CHRM3: variants seen among roughly 807,000 people sequenced by gnomAD.
The protein encoded by CHRM3 is cholinergic receptor muscarinic 3.
In CHRM3, 11 loss-of-function variants were observed where a neutral mutation model predicts 41.8. The observed-to-expected ratio is 0.26, with a 90% CI of 0.17 to 0.44. The LOEUF (loss-of-function observed/expected upper bound fraction) is 0.44, where lower values mean the gene tolerates loss of function less well. CHRM3 is among the 20% of genes least tolerant of loss of function. The pLI is 1.00. For missense variants in CHRM3, 571 were observed against 745.4 expected (o/e 0.77, Z 2.72); for synonymous variants, 297 against 301.4 (o/e 0.99, Z 0.15).
At chr1:239,635,618 A>G (rs181644220) in intron 4 of CHRM3, among the ~76,000 whole-genome samples, 1 of 152,350 alleles carries the variant, frequency 6.6e-6, no homozygotes, top group East Asian at 1.9e-4. Context: ...TTCTTAAGGC[A>G]TACGAAAATA....
intron 3 of CHRM3, among the ~76,000 whole-genome samples, chr1:239,569,801 G>T (rs186471817): frequency 1.3e-3 from 197 of 152,162 alleles, no homozygotes; most frequent in African/African-American, 4.5e-3. Context: ...GGGGGAGTCT[G>T]GTCATAAATG....
At chr1:239,441,756 C>CTAATTATA (rs1478544065) in intron 1 of CHRM3, among the ~76,000 whole-genome samples, 2 of 150,472 alleles carry the variant, frequency 1.3e-5, no homozygotes, top group Admixed American at 1.3e-4. Flanking sequence ...GTTGTAGCTA[C>CTAATTATA]TAATTATAAG....
chr1:239,732,240 A>G (rs1278143572), intron 5 of CHRM3, among the ~76,000 whole-genome samples: 1 of 151,386 alleles, frequency 6.6e-6, no homozygotes, highest in Non-Finnish European at 1.5e-5. Flanking sequence ...AGTATACCTA[A>G]TATCTCACTT....
intron 5 of CHRM3, among the ~76,000 whole-genome samples, chr1:239,714,530 G>A (rs914860059): frequency 7.2e-5 from 11 of 152,128 alleles, no homozygotes; most frequent in South Asian, 2.1e-4. Context: ...AAGGCCCTGC[G>A]GTAGAAGGGT....
At chr1:239,819,867 A>G (rs1671893094) in intron 5 of CHRM3, among the ~76,000 whole-genome samples, 1 of 152,150 alleles carries the variant, frequency 6.6e-6, no homozygotes, top group Admixed American at 6.5e-5. Flanking sequence ...TGTGATTGCC[A>G]TGGAATTCCG....
chr1:239,898,112 C>T (rs1013534589), intron 6 of CHRM3: 14 of 152,148 alleles, frequency 9.2e-5, no homozygotes, highest in Non-Finnish European at 1.6e-4. Context: ...ACATCTTTTC[C>T]CCCTTGCAGC....
chr1:239,542,102 A>T (rs761989637), intron 2 of CHRM3, among the ~76,000 whole-genome samples: 11 of 152,176 alleles, frequency 7.2e-5, no homozygotes, highest in Admixed American at 2.0e-4. Flanking sequence ...CCCGGAGATT[A>T]TAATTAATCA....
chr1:239,666,326 C>T (rs1429603971), intron 4 of CHRM3, among the ~76,000 whole-genome samples: 1 of 150,870 alleles, frequency 6.6e-6, no homozygotes, highest in Non-Finnish European at 1.5e-5. Flanking sequence ...TCCTGAATAG[C>T]TGGGACTACG....
intron 1 of CHRM3, among the ~76,000 whole-genome samples, chr1:239,428,567 G>A (rs375940690): frequency 4.6e-5 from 7 of 152,200 alleles, no homozygotes; most frequent in Non-Finnish European, 7.4e-5. Flanking sequence ...TGAATAAAAC[G>A]GAATTTTTAA....
intron 1 of CHRM3, among the ~76,000 whole-genome samples, chr1:239,411,421 A>G (rs975465879): frequency 1.3e-5 from 2 of 152,200 alleles, no homozygotes; most frequent in African/African-American, 4.8e-5. Flanking sequence ...ACACGAAAGA[A>G]AAACAAATAA....
At chr1:239,762,322 A>G (rs535436114) in intron 5 of CHRM3, among the ~76,000 whole-genome samples, 4 of 152,168 alleles carry the variant, frequency 2.6e-5, no homozygotes, top group Non-Finnish European at 4.4e-5. Flanking sequence ...ATTATATAAC[A>G]TCTGTGTTCT....
chr1:239,635,950 A>T (rs1268026313), intron 4 of CHRM3, among the ~76,000 whole-genome samples: 1 of 152,164 alleles, frequency 6.6e-6, no homozygotes, highest in African/African-American at 2.4e-5. Flanking sequence ...GATGGGAAGA[A>T]AAAGAAAAAG....
At chr1:239,627,019 T>C (rs1303469071) in intron 3 of CHRM3, among the ~76,000 whole-genome samples, 444 of 129,610 alleles carry the variant, frequency 3.4e-3, no homozygotes, top group Middle Eastern at 0.012. Context: ...CTATTAGGTC[T>C]GCTTGGTGCA....
At chr1:239,663,177 T>G (rs1014192936) in intron 4 of CHRM3, among the ~76,000 whole-genome samples, 1 of 152,038 alleles carries the variant, frequency 6.6e-6, no homozygotes, top group Non-Finnish European at 1.5e-5. Flanking sequence ...CTCTGCTGCC[T>G]GCTGCTCTCC....
intron 1 of CHRM3, among the ~76,000 whole-genome samples, chr1:239,389,408 A>G (rs541708030): frequency 6.4e-4 from 98 of 152,318 alleles, no homozygotes; most frequent in African/African-American, 2.3e-3. Context: ...TTTACTTCTG[A>G]AGATTATTTA....
chr1:239,702,853 G>A (rs1370508877), intron 5 of CHRM3, among the ~76,000 whole-genome samples: 1 of 152,172 alleles, frequency 6.6e-6, no homozygotes, highest in Non-Finnish European at 1.5e-5. Context: ...AAAGTAGCCT[G>A]TTACAGGTAA....
At chr1:239,509,971 G>A (rs1019036124) in intron 2 of CHRM3, among the ~76,000 whole-genome samples, 1 of 152,078 alleles carries the variant, frequency 6.6e-6, no homozygotes, top group African/African-American at 2.4e-5. Context: ...TGCCTGTAAT[G>A]CCAGCTACTT....
intron 1 of CHRM3, among the ~76,000 whole-genome samples, chr1:239,404,071 C>T (rs534853521): frequency 1.3e-3 from 186 of 142,654 alleles, no homozygotes; most frequent in Non-Finnish European, 2.2e-3. Flanking sequence ...CCAAGGTGGG[C>T]GAATCACGAG....
At chr1:239,615,078 A>C in intron 3 of CHRM3, among the ~76,000 whole-genome samples, 1 of 152,186 alleles carries the variant, frequency 6.6e-6, no homozygotes, top group East Asian at 1.9e-4. Flanking sequence ...TACCCTGAAG[A>C]AAAAGGATGC....
Sources: allele counts gnomAD v4.1 joint callset (sites outside exome capture counted in the v4.1 genomes callset), GRCh38; gene constraint gnomAD v4.1.1; transcripts MANE v1.5; gene names NCBI Gene and HGNC (gene_info 2026-07-23, HGNC 2026-07-21).